Variants in IRAG2 observed in about 807,000 individuals in gnomAD.
IRAG2 encodes the protein lymphoid restricted membrane protein.
IRAG2 carries 45 observed loss-of-function variants against 69.9 expected under a neutral mutation model. The observed-to-expected ratio is 0.64, with a 90% CI of 0.51 to 0.83. The LOEUF (loss-of-function observed/expected upper bound fraction) is 0.83. IRAG2 is among the 40% of genes least tolerant of loss of function. IRAG2 has a pLI of 0.00. For synonymous variants in IRAG2, 193 were observed against 202.4 expected, an observed-to-expected ratio of 0.95 and a Z score of 0.40; for missense variants, 520 against 587.0, an observed-to-expected ratio of 0.89 and a Z score of 1.18.
intron 16 of IRAG2, among the ~76,000 whole-genome samples, chr12:25,043,484 AG>A (rs759635940): frequency 1.2e-4 from 19 of 152,204 alleles, no homozygotes; most frequent in Non-Finnish European, 1.0e-4. Flanking sequence ...CCCTACTCCC[AG>A]CTCAGTGAAA....
intron 6 of IRAG2, among the ~76,000 whole-genome samples, chr12:25,017,714 T>C (rs1944542386): frequency 7.6e-6 from 1 of 131,980 alleles, no homozygotes; most frequent in Non-Finnish European, 1.7e-5. Flanking sequence ...CAAGACTCTG[T>C]CTCAAAAAAA....
intron 2 of IRAG2, among the ~76,000 whole-genome samples, chr12:25,008,652 G>A (rs1944450903): frequency 6.6e-6 from 1 of 152,054 alleles, no homozygotes; most frequent in African/African-American, 2.4e-5. Flanking sequence ...GGCACAAGAA[G>A]CGTTTGAACT....
At chr12:25,105,887 A>G (rs1363496512) in intron 20 of IRAG2, among the ~76,000 whole-genome samples, 3 of 152,186 alleles carry the variant, frequency 2.0e-5, no homozygotes, top group Non-Finnish European at 4.4e-5. Context: ...CCCTTTGGCA[A>G]TTCTGAGGGT....
chr12:25,106,437 TATATG>T (rs1398345760), intron 20 of IRAG2, among the ~76,000 whole-genome samples: 8 of 130,456 alleles, frequency 6.1e-5, no homozygotes, highest in Non-Finnish European at 1.1e-4. Context: ...ATGCATATAT[TATATG>T]TAGATATGTG....
At chr12:25,102,043 T>C (rs1371820785) in intron 16 of IRAG2, 155 bp from the exon 17 acceptor site, 2 of 704,966 alleles carry the variant, frequency 2.8e-6, no homozygotes, top group Admixed American at 2.0e-5. Flanking sequence ...TTATGAAGAA[T>C]GAAATGAATG....
upstream of IRAG2, among the ~76,000 whole-genome samples, chr12:24,999,910 T>C (rs1944378433): frequency 6.6e-6 from 1 of 152,174 alleles, no homozygotes; most frequent in Non-Finnish European, 1.5e-5. Flanking sequence ...TGTGCAACAT[T>C]TGGGGGCATA....
At chr12:25,094,242 A>G (rs1948271129) in intron 14 of IRAG2, among the ~76,000 whole-genome samples, 1 of 151,892 alleles carries the variant, frequency 6.6e-6, no homozygotes, top group African/African-American at 2.4e-5. Flanking sequence ...TATTTAATCC[A>G]TTTTGAGTTA....
Position 25,108,177 on chromosome 12 carries a change from T to TGTAAGATAGCTTACA in IRAG2, c.*118_*132dup. 1 of 1,155,410 alleles carries TGTAAGATAGCTTACA rather than the reference T, an allele frequency of 8.7e-7. No homozygotes were observed. The highest frequency in any genetic ancestry group is 1.6e-5 in the South Asian group (1 of 63,558). The allele number at this position is 1,155,410 out of a possible 1,614,324, so 71.6% of individuals were successfully genotyped here. A position where few individuals can be genotyped will look rare whatever the true frequency, so the allele number is the denominator to read the frequency against. On this transcript the variant is annotated 3_prime_UTR_variant, in exon 22 of 22. Transcript: ENST00000556887. ...TGAAACCAGAGGTTCTCAGAATGAC[T>TGTAAGATAGCTTACA]GTAAGATAGCTTACATTTCCTCTTT...
chr12:25,002,926 G>A (rs1944402990), upstream of IRAG2, among the ~76,000 whole-genome samples: 1 of 152,186 alleles, frequency 6.6e-6, no homozygotes, highest in African/African-American at 2.4e-5. Flanking sequence ...ACAGGCGTGA[G>A]CCACCATGCC....
In IRAG2 at chr12:25,066,459, G is replaced by C. The variant is rs900184733; in HGVS notation, c.-112G>C. Reference sequence around the variant, plus strand: ...ACCAAATCCACACTCTGTGTGAAAGGCCCACATATGGAGAAGTAAAGGATG... The same window carrying C: ...ACCAAATCCACACTCTGTGTGAAAGCCCCACATATGGAGAAGTAAAGGATG... On this transcript the variant is annotated 5_prime_UTR_variant, in exon 5 of 22. Coordinates refer to ENST00000556887, the MANE Select transcript of IRAG2 (RefSeq NM_001366544.2). 3 of 401,174 alleles carry C rather than the reference G, an allele frequency of 7.5e-6. No homozygotes were observed. Among genetic ancestry groups the C allele is most frequent in the Admixed American group, 8.8e-5 (2 of 22,738 alleles). 24.9% of individuals were successfully genotyped at this position (401,174 alleles called of 1,614,324 possible). A position where few individuals can be genotyped will look rare whatever the true frequency, so the allele number is the denominator to read the frequency against.
exon 1 of IRAG2, chr12:25,004,581 G>A: frequency 8.1e-7 from 1 of 1,232,074 alleles, no homozygotes; most frequent in South Asian, 4.1e-5. Context: ...CAAGTTCTGA[G>A]GAAGTCGATG....
rs188872736 is a variant in IRAG2, at chr12:25,090,092, T to C, written c.501T>C (p.Cys167=). ...EFLRLSLGFK[C]DWFTLEKRVK... ...TCAGATTATCTTTGGGATTTAAGTG[T>C]GACTGGTTTACCTTGGAGAAGAGAG... The change falls in exon 14 of 22, where the codon TGT becomes TGC. Residue 167 remains cysteine (C), a synonymous_variant. Transcript: ENST00000556887. 1 of 1,614,088 alleles carries C rather than the reference T, an allele frequency of 6.2e-7. No homozygotes were observed. The highest frequency in any genetic ancestry group is 2.2e-5 in the East Asian group (1 of 44,896).
intron 8 of IRAG2, among the ~76,000 whole-genome samples, chr12:25,026,236 C>T (rs924681580): frequency 2.6e-5 from 4 of 152,136 alleles, no homozygotes; most frequent in African/African-American, 9.7e-5. Context: ...CCAGTAAACA[C>T]TGAGGTTAAA....
intron 17 of IRAG2, chr12:25,102,662 A>T (rs1948823031): frequency 6.2e-6 from 1 of 160,704 alleles, no homozygotes; most frequent in Non-Finnish European, 1.4e-5. Flanking sequence ...CCAAGAAAAA[A>T]AAAGAAGCAA....
chr12:25,081,151 G>GTC (rs10629974), intron 9 of IRAG2, among the ~76,000 whole-genome samples: 64,136 of 151,574 alleles, frequency 0.42, 13,710 homozygotes, highest in South Asian at 0.53. Flanking sequence ...TGTGAATGTG[G>GTC]TCTCTCTCTC....
At chr12:25,059,606 G>A (rs946319127) in intron 1 of IRAG2, among the ~76,000 whole-genome samples, 3 of 152,008 alleles carry the variant, frequency 2.0e-5, no homozygotes, top group African/African-American at 7.2e-5. Context: ...CATCTGCCTC[G>A]GTCTCCCAAA....
chr12:25,010,132 T>C (rs879512207), intron 2 of IRAG2, among the ~76,000 whole-genome samples: 10 of 152,324 alleles, frequency 6.6e-5, no homozygotes, highest in Middle Eastern at 6.8e-3. Flanking sequence ...ATATGATAAA[T>C]GATTATTGCT....
chr12:25,037,025 T>C (rs1175476081), intron 15 of IRAG2, among the ~76,000 whole-genome samples: 2 of 152,176 alleles, frequency 1.3e-5, no homozygotes, highest in African/African-American at 2.4e-5. Context: ...GAAAGAATGA[T>C]TACTGTGTAA....
intron 6 of IRAG2, among the ~76,000 whole-genome samples, chr12:25,072,261 C>A (rs567395113): frequency 1.3e-5 from 2 of 152,208 alleles, no homozygotes; most frequent in African/African-American, 4.8e-5. Context: ...ACAGACATCA[C>A]AATCGAGCCT....
Sources: allele counts gnomAD v4.1 joint callset (sites outside exome capture counted in the v4.1 genomes callset), GRCh38; gene constraint gnomAD v4.1.1; transcripts MANE v1.5; gene names NCBI Gene and HGNC (gene_info 2026-07-23, HGNC 2026-07-21).